Variants in ETV6 observed in about 807,000 individuals in gnomAD.
The protein encoded by ETV6 is transcription factor ETV6.
In ETV6, 16 loss-of-function variants were observed where a neutral mutation model predicts 51.1. The ratio of observed to expected loss-of-function variants is 0.31; its 90% CI spans 0.21 to 0.48. The LOEUF (loss-of-function observed/expected upper bound fraction) is 0.48, where lower values mean the gene tolerates loss of function less well. Among genes scored for constraint, ETV6 ranks in the 20% least tolerant of loss-of-function variants. ETV6 has a pLI of 0.99. For synonymous variants in ETV6, 240 were observed against 224.1 expected (o/e 1.07, Z -0.64); for missense variants, 458 against 594.8 (o/e 0.77, Z 2.39).
intron 2 of ETV6, among the ~76,000 whole-genome samples, chr12:11,833,149 G>T (rs1406421951): frequency 6.6e-6 from 1 of 152,180 alleles, no homozygotes; most frequent in Non-Finnish European, 1.5e-5. Flanking sequence ...TTATAAAGGT[G>T]ATTATAACAA....
chr12:11,881,058 C>T (rs1947083859), intron 5 of ETV6, among the ~76,000 whole-genome samples: 1 of 152,296 alleles, frequency 6.6e-6, no homozygotes, highest in East Asian at 1.9e-4. Flanking sequence ...CCACCTCAGC[C>T]TCCCAACTAG....
intron 2 of ETV6, among the ~76,000 whole-genome samples, chr12:11,794,229 T>C (rs899776085): frequency 1.3e-5 from 2 of 152,164 alleles, no homozygotes; most frequent in Non-Finnish European, 2.9e-5. Flanking sequence ...AGAAGCAGCT[T>C]TAAGAGTGCA....
At chr12:11,693,630 G>A (rs924946107) in intron 1 of ETV6, among the ~76,000 whole-genome samples, 1 of 152,120 alleles carries the variant, frequency 6.6e-6, no homozygotes, top group Non-Finnish European at 1.5e-5. Context: ...TTCTGTCCAG[G>A]GTCTGGACCA....
chr12:11,763,993 A>G (rs1945128209), intron 2 of ETV6, among the ~76,000 whole-genome samples: 1 of 152,220 alleles, frequency 6.6e-6, no homozygotes, highest in Non-Finnish European at 1.5e-5. Context: ...AGTGCTTTGA[A>G]CATAAATATC....
chr12:11,793,796 A>G (rs1323761986), intron 2 of ETV6, among the ~76,000 whole-genome samples: 1 of 152,230 alleles, frequency 6.6e-6, no homozygotes, highest in Non-Finnish European at 1.5e-5. Context: ...ACCTGGCTGC[A>G]TGGCAAAGAA....
intron 1 of ETV6, among the ~76,000 whole-genome samples, chr12:11,674,777 G>C (rs1332852932): frequency 6.6e-6 from 1 of 151,812 alleles, no homozygotes; most frequent in Non-Finnish European, 1.5e-5. Flanking sequence ...ATGTGAGAAG[G>C]GGCAGGGAGA....
chr12:11,750,439 G>T (rs1467921792), intron 1 of ETV6, among the ~76,000 whole-genome samples: 2 of 152,176 alleles, frequency 1.3e-5, no homozygotes, highest in Non-Finnish European at 2.9e-5. Flanking sequence ...ACTAGCCAGA[G>T]TGTCTTGTGA....
At chr12:11,680,753 A>G (rs1261944060) in intron 1 of ETV6, among the ~76,000 whole-genome samples, 1 of 152,164 alleles carries the variant, frequency 6.6e-6, no homozygotes, top group African/African-American at 2.4e-5. Context: ...CAGTAGTTGT[A>G]CCATGTTCAG....
At position 11,780,254 on chromosome 12, in the gene ETV6, C is replaced by A. The variant is rs1322540393; in HGVS notation, c.163+27675C>A. On this transcript the variant is annotated intron_variant, in intron 2 of 7. Transcript: ENST00000396373. ...TTTTAAGTTGAGATTATATTAATAT[C>A]TGTCACTTGGGTTGCCAGCCTTTTA... Among the ~76,000 whole-genome samples the A allele has an allele frequency of 5.3e-5, 8 of 152,194 alleles. No individual in the cohort carries two copies. The East Asian group carries it at 1.5e-3, about 29-fold the overall frequency.
rs1947327255 is a variant in ETV6, at chr12:11,893,392, C to CCTT, written c.*2347_*2349dup. 8.6e-6 allele frequency: 2 copies of CCTT among 232,052 alleles called. No individual in the cohort carries two copies. The highest frequency in any genetic ancestry group is 1.7e-5 in the Non-Finnish European group (2 of 117,510). 14.4% of individuals were successfully genotyped at this position (232,052 alleles called of 1,614,324 possible). ...ACAGTTGAATTATGGAGGGAAATTC[C>CCTT]CTTTTGCCCCAAGCATTTCTATATT... is the stretch of plus-strand genomic sequence containing the variant. On this transcript the variant is annotated 3_prime_UTR_variant, in exon 8 of 8. Coordinates refer to ENST00000396373, the MANE Select transcript of ETV6 (RefSeq NM_001987.5).
At chr12:11,731,389 A>G (rs1297083161) in intron 1 of ETV6, among the ~76,000 whole-genome samples, 1 of 152,072 alleles carries the variant, frequency 6.6e-6, no homozygotes, top group Non-Finnish European at 1.5e-5. Flanking sequence ...TCAAAATTTC[A>G]TGTAGTAAGA....
intron 1 of ETV6, among the ~76,000 whole-genome samples, chr12:11,659,183 G>C (rs1351854038): frequency 6.6e-6 from 1 of 152,190 alleles, no homozygotes; most frequent in African/African-American, 2.4e-5. Context: ...TTACTTTGGG[G>C]CATGGGGAAA....
intron 1 of ETV6, among the ~76,000 whole-genome samples, chr12:11,734,878 A>G (rs1279198730): frequency 6.6e-6 from 1 of 152,144 alleles, no homozygotes; most frequent in Non-Finnish European, 1.5e-5. Flanking sequence ...GCTCAAAAAT[A>G]TTTTTAGAAC....
At chr12:11,713,436 T>C (rs185923770) in intron 1 of ETV6, among the ~76,000 whole-genome samples, 14 of 152,356 alleles carry the variant, frequency 9.2e-5, no homozygotes, top group Admixed American at 2.6e-4. Flanking sequence ...TGAAGTCTCA[T>C]AGCAAATGTT....
At chr12:11,785,006 C>T (rs1436320175) in intron 2 of ETV6, among the ~76,000 whole-genome samples, 1 of 151,710 alleles carries the variant, frequency 6.6e-6, no homozygotes, top group Non-Finnish European at 1.5e-5. Context: ...TGCGCCTGGC[C>T]GGGACTTTGG....
intron 2 of ETV6, among the ~76,000 whole-genome samples, chr12:11,822,574 C>G (rs1056816520): frequency 6.6e-6 from 1 of 152,166 alleles, no homozygotes; most frequent in Non-Finnish European, 1.5e-5. Flanking sequence ...TGCGGGCTTG[C>G]TTTCCACGGG....
At chr12:11,878,541 C>A (rs1298340875) in intron 5 of ETV6, among the ~76,000 whole-genome samples, 4 of 152,090 alleles carry the variant, frequency 2.6e-5, no homozygotes, top group African/African-American at 9.7e-5. Flanking sequence ...AAGCCTTCTC[C>A]ACACCTTATG....
At chr12:11,698,012 A>T (rs568025470) in intron 1 of ETV6, among the ~76,000 whole-genome samples, 68 of 152,340 alleles carry the variant, frequency 4.5e-4, no homozygotes, top group African/African-American at 1.5e-3. Flanking sequence ...AAAAAAATTT[A>T]AAAAAACCTC....
intron 1 of ETV6, among the ~76,000 whole-genome samples, chr12:11,711,377 G>A (rs1241987834): frequency 2.0e-5 from 3 of 152,200 alleles, no homozygotes; most frequent in Non-Finnish European, 4.4e-5. Flanking sequence ...AGAGTTCTAG[G>A]AGTTTCTTTG....
Sources: gnomAD v4.1 joint callset for allele counts (sites outside exome capture counted in the v4.1 genomes callset) on GRCh38, gnomAD v4.1.1 for gene constraint, MANE v1.5 for transcripts, NCBI Gene and HGNC (gene_info 2026-07-23, HGNC 2026-07-21) for gene names.